Variants in DISP2 observed in about 807,000 individuals in gnomAD.
The protein encoded by DISP2 is protein dispatched homolog 2.
Under a neutral mutation model 95.5 loss-of-function variants are expected in DISP2, and 59 were observed. That is an observed-to-expected ratio of 0.62 (90% CI 0.50 to 0.77). DISP2 has a LOEUF of 0.77. Among genes scored for constraint, DISP2 ranks in the 30% least tolerant of loss-of-function variants. The pLI is 0.00. For missense variants in DISP2, 1,752 were observed against 1,854.6 expected, an observed-to-expected ratio of 0.94 and a Z score of 1.02; for synonymous variants, 827 against 815.0, an observed-to-expected ratio of 1.01 and a Z score of -0.25.
chr15:40,363,965 G>A lies in DISP2; in HGVS notation c.449+11G>A. 1 of 1,518,688 alleles carries A rather than the reference G, an allele frequency of 6.6e-7. No homozygotes were observed. The highest frequency in any genetic ancestry group is 8.8e-7 in the Non-Finnish European group (1 of 1,137,722). The allele number at this position is 1,518,688 out of a possible 1,614,324, so 94.1% of individuals were successfully genotyped here. A position where few individuals can be genotyped will look rare whatever the true frequency, so the allele number is the denominator to read the frequency against. ...TGTGGTCAGCGTCAGGTAAGGAGGGGTCCAGCAGCCTGCCAGCTGCCACTG... is the reference window on the plus strand; with the variant it reads ...TGTGGTCAGCGTCAGGTAAGGAGGGATCCAGCAGCCTGCCAGCTGCCACTG... On this transcript the variant is annotated intron_variant, in intron 2 of 7. Coordinates refer to ENST00000267889, the MANE Select transcript of DISP2 (RefSeq NM_033510.3).
rs1482294445 is a variant in DISP2, at chr15:40,364,490, C to T, written c.549C>T (p.Cys183=). The T allele has an allele frequency of 1.3e-5, 21 of 1,614,064 alleles. No homozygotes were observed. The Middle Eastern group carries it at 8.2e-4, about 63-fold the overall frequency. Residue 183 remains cysteine, a synonymous_variant, in exon 4 of 8, where the codon TGC becomes TGT. Transcript: ENST00000267889. The part of the protein sequence containing the change: ...LMLCLAVIFL[C]TLAGLLGARL... ...TGTGTCTGGCTGTCATCTTCCTCTGCACCCTGGCTGGACTGTTGGGGGCCC... is the reference window on the plus strand; with the variant it reads ...TGTGTCTGGCTGTCATCTTCCTCTGTACCCTGGCTGGACTGTTGGGGGCCC...
Position 40,370,758 on chromosome 15 carries a change from G to T in DISP2, c.*440G>T, listed in dbSNP as rs1595731074. 17 of 432,702 alleles carry T rather than the reference G, an allele frequency of 3.9e-5. 1 individual carries two copies. Among genetic ancestry groups the T allele is most frequent in the South Asian group, 2.6e-4 (16 of 61,640 alleles). The allele number at this position is 432,702 out of a possible 1,614,324, so 26.8% of individuals were successfully genotyped here. A position where few individuals can be genotyped will look rare whatever the true frequency, so the allele number is the denominator to read the frequency against. The stretch of plus-strand genomic sequence containing the variant: ...AGAGGAGCCCGCAGCAATCTCCACA[G>T]CCTCCTGGGTCTCACCCCTTTCATG... On this transcript the variant is annotated 3_prime_UTR_variant, in exon 8 of 8. Transcript: ENST00000267889.
rs1268271639 is a variant in DISP2, at chr15:40,367,069, T to C, written c.957T>C (p.His319=). 1.2e-6 allele frequency: 2 copies of C among 1,610,318 alleles called. No individual in the cohort carries two copies. Among genetic ancestry groups the C allele is most frequent in the Non-Finnish European group, 1.7e-6 (2 of 1,179,978 alleles). ...CRMEQDQIRS[H]TSFGALCQRT... The stretch of plus-strand genomic sequence containing the variant: ...CGTGTGCCCTACAGATCCGCTCCCA[T>C]ACCAGCTTCGGGGCTCTGTGCCAGC... The change falls in exon 8 of 8, where the codon CAT becomes CAC. Residue 319 remains histidine, a synonymous_variant. Coordinates refer to ENST00000267889, the MANE Select transcript of DISP2 (RefSeq NM_033510.3).
chr15:40,366,020 C>T (rs1175526535), intron 7 of DISP2, among the ~76,000 whole-genome samples: 2 of 152,244 alleles, frequency 1.3e-5, no homozygotes, highest in African/African-American at 2.4e-5. Context: ...GGCCCTGGCC[C>T]AGGGAGCTGA....
At chr15:40,358,514 C>T (rs965773638) in intron 1 of DISP2, 74 bp downstream of exon 1, 1 of 1,095,688 alleles carries the variant, frequency 9.1e-7, no homozygotes, top group Non-Finnish European at 1.2e-6. Context: ...TCCCCAGTAG[C>T]CGCCATATGT....
In DISP2 at chr15:40,358,434, C is replaced by T. The variant is rs1188431484; in HGVS notation, c.113C>T (p.Pro38Leu). 2 of 1,317,860 alleles carry T rather than the reference C, an allele frequency of 1.5e-6. No homozygotes were observed. The highest frequency in any genetic ancestry group is 9.7e-7 in the Non-Finnish European group (1 of 1,033,416). 81.6% of individuals were successfully genotyped at this position (1,317,860 alleles called of 1,614,324 possible). A position where few individuals can be genotyped will look rare whatever the true frequency, so the allele number is the denominator to read the frequency against. Residue 38 changes from proline to leucine, a missense_variant, in exon 1 of 8, where the codon CCG becomes CTG. By Grantham distance (98) the Pro-to-Leu change is moderately conservative (BLOSUM62 -3). Around this residue, in one of 5 missense-constraint regions of DISP2, gnomAD observed 342 missense variants for 364.3 expected, o/e 0.94. Coordinates refer to ENST00000267889, the MANE Select transcript of DISP2 (RefSeq NM_033510.3). Reference protein sequence around the residue: ...GEPLAPDGGSPDSTQTKAVPP... With the variant: ...GEPLAPDGGSLDSTQTKAVPP... ...CCCTTGGCCCCAGACGGCGGCTCCCCGGACAGGTAGGGCGGACAGCTCCGC... is the reference window on the plus strand; with the variant it reads ...CCCTTGGCCCCAGACGGCGGCTCCCTGGACAGGTAGGGCGGACAGCTCCGC...
At position 40,370,527 on chromosome 15, in the gene DISP2, T is replaced by A; in HGVS notation, c.*209T>A. On this transcript the variant is annotated 3_prime_UTR_variant, in exon 8 of 8. Coordinates refer to ENST00000267889, the MANE Select transcript of DISP2 (RefSeq NM_033510.3). ...TCTGGAGGATTCCAGCAGGAGGGGT[T>A]TTGGAGGGGACCTGCTTGCGACCTG... is the stretch of plus-strand genomic sequence containing the variant. The A allele has an allele frequency of 1.0e-6, 1 of 972,488 alleles. No individual in the cohort carries two copies. The highest frequency in any genetic ancestry group is 1.6e-6 in the Non-Finnish European group (1 of 636,026). The allele number at this position is 972,488 out of a possible 1,614,324, so 60.2% of individuals were successfully genotyped here. A position where few individuals can be genotyped will look rare whatever the true frequency, so the allele number is the denominator to read the frequency against.
Position 40,367,160 on chromosome 15 carries a change from C to T in DISP2, c.1048C>T (p.Arg350Cys), listed in dbSNP as rs758851870. The stretch of plus-strand genomic sequence containing the variant: ...CAACTATCTGGCTGTGCTCTCCAAC[C>T]GCTCCTCCTGCCTGGACACTACCCA... ...LGNYLAVLSNRSSCLDTTQAD... is the reference protein window; with the variant it reads ...LGNYLAVLSNCSSCLDTTQAD... The change falls in exon 8 of 8, where the codon CGC becomes TGC. Residue 350 changes from arginine (R) to cysteine (C), a missense_variant. Physicochemically the swap from Arg to Cys is radical, Grantham distance 180 (BLOSUM62 -3). This residue lies in a region of DISP2 where 732 missense variants were observed against 714.6 expected (regional missense o/e 1.02). Transcript: ENST00000267889. The T allele has an allele frequency of 1.3e-5, 21 of 1,613,894 alleles. No homozygotes were observed. The highest frequency in any genetic ancestry group is 2.2e-5 in the East Asian group (1 of 44,858).
Position 40,364,220 on chromosome 15 carries a change from C to T in DISP2, c.450-6C>T. The T allele has an allele frequency of 1.2e-6, 2 of 1,613,972 alleles. No homozygotes were observed. Among genetic ancestry groups the T allele is most frequent in the Non-Finnish European group, 1.7e-6 (2 of 1,179,950 alleles). On this transcript the variant is annotated splice_polypyrimidine_tract_variant and splice_region_variant and intron_variant, in intron 2 of 7. Coordinates refer to ENST00000267889, the MANE Select transcript of DISP2 (RefSeq NM_033510.3). ...GCAAGCAAGCATCTTTTCTTCTCTT[C>T]CACAGGCAGGAACGAGCCTTCCAGA...
In DISP2 at chr15:40,371,591, A is replaced by C. The variant is rs1470154193; in HGVS notation, c.*1273A>C. ...CTCAGACCTGCCCTTTGGGAAGTGT[A>C]TGAGTCTGAAGCTGCTTCCCAGGTT... On this transcript the variant is annotated 3_prime_UTR_variant, in exon 8 of 8. Coordinates refer to ENST00000267889, the MANE Select transcript of DISP2 (RefSeq NM_033510.3). The C allele has an allele frequency of 6.6e-6, 1 of 152,234 alleles. No homozygotes were observed. Among genetic ancestry groups the C allele is most frequent in the Non-Finnish European group, 1.5e-5 (1 of 68,052 alleles). 9.4% of individuals were successfully genotyped at this position (152,234 alleles called of 1,614,324 possible).
At position 40,369,584 on chromosome 15, in the gene DISP2, T is replaced by C; in HGVS notation, c.3472T>C (p.Ser1158Pro). The C allele has an allele frequency of 6.2e-7, 1 of 1,611,698 alleles. No homozygotes were observed. The highest frequency in any genetic ancestry group is 8.5e-7 in the Non-Finnish European group (1 of 1,179,978). The change falls in exon 8 of 8, where the codon TCC (serine) becomes CCC (proline). Residue 1158 changes from serine (S) to proline (P), a missense_variant. By Grantham distance (74) the Ser-to-Pro change is moderately conservative. This residue lies in a region of DISP2 where 347 missense variants were observed against 344.2 expected (regional missense o/e 1.01). Transcript: ENST00000267889. ...RPGSVGGMPGSCSEQYELQPL... is the reference protein window; with the variant it reads ...RPGSVGGMPGPCSEQYELQPL... ...AGGGTCAGTGGGAGGGATGCCCGGG[T>C]CCTGCTCAGAGCAATATGAGCTACA...
intron 6 of DISP2, 107 bp from the exon 7 acceptor site, chr15:40,365,521 G>A (rs1196309523): frequency 7.2e-7 from 1 of 1,381,216 alleles, no homozygotes; most frequent in Non-Finnish European, 1.0e-6. Flanking sequence ...GGCTTGAGAT[G>A]CCTGAGAATC....
chr15:40,359,824 A>T (rs1476443509), intron 1 of DISP2, among the ~76,000 whole-genome samples: 1 of 152,258 alleles, frequency 6.6e-6, no homozygotes, highest in Non-Finnish European at 1.5e-5. Flanking sequence ...GGGGATAGAT[A>T]CACAGTGAAT....
intron 2 of DISP2, 77 bp downstream of exon 2, chr15:40,364,031 G>T: frequency 2.0e-6 from 3 of 1,493,582 alleles, no homozygotes; most frequent in Non-Finnish European, 2.7e-6. Flanking sequence ...GACTGCCGGG[G>T]CTCTAGACTC....
chr15:40,369,872 G>C lies in DISP2; in HGVS notation c.3760G>C (p.Gly1254Arg), dbSNP rs1440047960. Residue 1254 changes from glycine (G) to arginine (R), a missense_variant, in exon 8 of 8, where the codon GGG (glycine) becomes CGG (arginine). Coordinates refer to ENST00000267889, the MANE Select transcript of DISP2 (RefSeq NM_033510.3). ...PKTRARQDSQ[G>R]EEAEPLPASP... The stretch of plus-strand genomic sequence containing the variant: ...AACCCGGGCCAGGCAGGACTCCCAA[G>C]GGGAGGAGGCTGAGCCCCTGCCAGC... The C allele has an allele frequency of 1.3e-6, 2 of 1,567,856 alleles. No homozygotes were observed. Among genetic ancestry groups the C allele is most frequent in the African/African-American group, 2.7e-5 (2 of 73,924 alleles).
chr15:40,368,559 G>C lies in DISP2; in HGVS notation c.2447G>C (p.Cys816Ser). The change falls in exon 8 of 8, where the codon TGT (cysteine) becomes TCT (serine). Residue 816 changes from cysteine (C) to serine (S), a missense_variant. By Grantham distance (112) the Cys-to-Ser change is moderately radical. Coordinates refer to ENST00000267889, the MANE Select transcript of DISP2 (RefSeq NM_033510.3). ...GCCCAGCGCTGGCTGCTGGCACTCTGTCACCGGGCCCGGAATCAGAGCTTC... is the reference window on the plus strand; with the variant it reads ...GCCCAGCGCTGGCTGCTGGCACTCTCTCACCGGGCCCGGAATCAGAGCTTC... ...PEAQRWLLAL[C>S]HRARNQSFFD... The C allele has an allele frequency of 6.2e-7, 1 of 1,604,266 alleles. No homozygotes were observed. Among genetic ancestry groups the C allele is most frequent in the Non-Finnish European group, 8.5e-7 (1 of 1,179,910 alleles).
At chr15:40,358,529 C>A in intron 1 of DISP2, 89 bp downstream of exon 1, 1 of 999,622 alleles carries the variant, frequency 1.0e-6, no homozygotes, top group Non-Finnish European at 1.3e-6. Flanking sequence ...ATATGTTGCC[C>A]CATTCATTCC....
At chr15:40,363,237 G>T (rs1044336992) in intron 1 of DISP2, among the ~76,000 whole-genome samples, 1 of 151,654 alleles carries the variant, frequency 6.6e-6, no homozygotes, top group Non-Finnish European at 1.5e-5. Context: ...GCTTGAACCC[G>T]GGAGGCGGAG....
intron 1 of DISP2, among the ~76,000 whole-genome samples, chr15:40,358,838 G>C (rs1454770444): frequency 1.3e-5 from 2 of 152,262 alleles, no homozygotes; most frequent in East Asian, 3.9e-4. Flanking sequence ...AGGTGTGCGT[G>C]AATCGCGGAT....
Sources: allele counts gnomAD v4.1 joint callset (sites outside exome capture counted in the v4.1 genomes callset), GRCh38; gene constraint gnomAD v4.1.1; regional missense constraint gnomAD v4.1.1; transcripts MANE v1.5; gene names NCBI Gene and HGNC (gene_info 2026-07-23, HGNC 2026-07-21).